The following GRIK4 variants were observed in gnomAD, a reference collection of about 807,000 sequenced individuals.
The protein encoded by GRIK4 is glutamate ionotropic receptor kainate type subunit 4, also known as glutamate receptor ionotropic, kainate 4.
In GRIK4, 40 loss-of-function variants were observed where a neutral mutation model predicts 104.9. The ratio of observed to expected loss-of-function variants is 0.38; its 90% CI spans 0.30 to 0.50. GRIK4 has a LOEUF of 0.50. Among genes scored for constraint, GRIK4 ranks in the 20% least tolerant of loss-of-function variants. The pLI is 0.93. For synonymous variants in GRIK4, 485 were observed against 524.9 expected, an observed-to-expected ratio of 0.92 and a Z score of 1.04; for missense variants, 1,047 against 1,308.1, an observed-to-expected ratio of 0.80 and a Z score of 3.08.
intron 1 of GRIK4, among the ~76,000 whole-genome samples, chr11:120,577,067 C>G (rs1948495077): frequency 6.6e-6 from 1 of 152,158 alleles, no homozygotes; most frequent in African/African-American, 2.4e-5. Context: ...CTGGCTTCAG[C>G]AAGAAAGGTG....
rs761713343 is a variant in GRIK4, at chr11:120,962,613, G to A, written c.2198G>A (p.Arg733Gln). 24 of 1,614,020 alleles carry A rather than the reference G, an allele frequency of 1.5e-5. No individual in the cohort carries two copies. The South Asian group carries it at 2.0e-4, about 13-fold the overall frequency. The change falls in exon 18 of 21, where the codon CGA becomes CAA. Residue 733 changes from arginine (R) to glutamine (Q), a missense_variant. This residue lies in a region of GRIK4 where 440 missense variants were observed against 652.3 expected (regional missense o/e 0.67). Coordinates refer to ENST00000527524, the MANE Select transcript of GRIK4 (RefSeq NM_014619.5). ...ESTMNEYYRQRNCNLTQIGGL... is the reference protein window; with the variant it reads ...ESTMNEYYRQQNCNLTQIGGL... ...ACCATGAACGAGTACTATCGGCAGCGAAACTGCAACCTCACTCAGATTGGG... is the reference window on the plus strand; with the variant it reads ...ACCATGAACGAGTACTATCGGCAGCAAAACTGCAACCTCACTCAGATTGGG...
At chr11:120,894,215 C>T (rs1161295705) in intron 11 of GRIK4, 5 of 152,154 alleles carry the variant, frequency 3.3e-5, no homozygotes, top group Non-Finnish European at 7.3e-5. Flanking sequence ...TGCACATACA[C>T]CATCTCCCTT....
At chr11:120,785,594 T>C (rs1035164668) in intron 3 of GRIK4, among the ~76,000 whole-genome samples, 1 of 152,188 alleles carries the variant, frequency 6.6e-6, no homozygotes, top group Non-Finnish European at 1.5e-5. Context: ...AAGGTGAACC[T>C]TGTGAAAGTC....
chr11:120,585,513 C>T (rs1011508648), intron 1 of GRIK4, among the ~76,000 whole-genome samples: 1 of 151,910 alleles, frequency 6.6e-6, no homozygotes, highest in Admixed American at 6.6e-5. Flanking sequence ...TGTGCCGTGC[C>T]CTTTCCATTC....
intron 1 of GRIK4, among the ~76,000 whole-genome samples, chr11:120,571,555 T>C (rs147038824): frequency 0.012 from 1,890 of 152,254 alleles, 18 homozygotes; most frequent in Admixed American, 0.016. Context: ...CCAGGTCTGC[T>C]GGTTTACATC....
chr11:120,814,893 GCT>G (rs1952903579), intron 4 of GRIK4, among the ~76,000 whole-genome samples: 1 of 152,142 alleles, frequency 6.6e-6, no homozygotes, highest in African/African-American at 2.4e-5. Flanking sequence ...AGCCACCCCT[GCT>G]CTCTTCCTGT....
chr11:120,723,511 A>G (rs1950969014), intron 3 of GRIK4, among the ~76,000 whole-genome samples: 1 of 152,224 alleles, frequency 6.6e-6, no homozygotes, highest in African/African-American at 2.4e-5. Context: ...AAAGAAGGTC[A>G]AGACCCACAA....
chr11:120,664,554 C>A (rs769217945), intron 3 of GRIK4, among the ~76,000 whole-genome samples: 1 of 152,186 alleles, frequency 6.6e-6, no homozygotes, highest in Admixed American at 6.5e-5. Flanking sequence ...GTTTAAATAA[C>A]GAACCTAAGG....
chr11:120,877,431 C>A (rs112030412), intron 11 of GRIK4, among the ~76,000 whole-genome samples: 9 of 152,150 alleles, frequency 5.9e-5, no homozygotes, highest in African/African-American at 1.9e-4. Context: ...ACACTCAGAT[C>A]GTGCCCTCAG....
chr11:120,557,984 G>T (rs368900599), intron 1 of GRIK4, among the ~76,000 whole-genome samples: 13 of 136,052 alleles, frequency 9.6e-5, no homozygotes, highest in African/African-American at 3.8e-4. Context: ...GGCCACTGCA[G>T]TCCAGCCTGG....
At chr11:120,565,093 G>C (rs962207914) in intron 1 of GRIK4, among the ~76,000 whole-genome samples, 2 of 152,192 alleles carry the variant, frequency 1.3e-5, no homozygotes, top group Admixed American at 1.3e-4. Context: ...GGCCGAGGCA[G>C]TGATGCGGGG....
intron 1 of GRIK4, among the ~76,000 whole-genome samples, chr11:120,545,070 G>C (rs538573474): frequency 6.6e-6 from 1 of 152,214 alleles, no homozygotes; most frequent in South Asian, 2.1e-4. Context: ...CAGCTGGCCA[G>C]AGGCCAGCTG....
intron 9 of GRIK4, among the ~76,000 whole-genome samples, chr11:120,863,067 G>A (rs544692551): frequency 6.6e-6 from 1 of 152,292 alleles, no homozygotes; most frequent in African/African-American, 2.4e-5. Flanking sequence ...TGGCTTTACA[G>A]TTTATATTTT....
intron 1 of GRIK4, among the ~76,000 whole-genome samples, chr11:120,578,324 G>T (rs1482574422): frequency 6.6e-6 from 1 of 152,172 alleles, no homozygotes; most frequent in African/African-American, 2.4e-5. Context: ...AACAGCAGTG[G>T]GATCCTTTGG....
At chr11:120,945,437 AT>A (rs1467832210) in intron 14 of GRIK4, among the ~76,000 whole-genome samples, 1 of 152,128 alleles carries the variant, frequency 6.6e-6, no homozygotes, top group East Asian at 1.9e-4. Flanking sequence ...TTATGATACG[AT>A]TTTTGGTATG....
Position 120,774,989 on chromosome 11 carries a change from G to A in GRIK4, c.83-27704G>A, listed in dbSNP as rs532921317. On this transcript the variant is annotated intron_variant, in intron 3 of 20. Coordinates refer to ENST00000527524, the MANE Select transcript of GRIK4 (RefSeq NM_014619.5). Reference sequence around the variant, plus strand: ...AAGATGGGGCTAGGCACAGAGAGGTGTGTGTGTGTGGTGTCAGATGTGTGG... The same window carrying A: ...AAGATGGGGCTAGGCACAGAGAGGTATGTGTGTGTGGTGTCAGATGTGTGG... 2.1e-3 allele frequency among the ~76,000 whole-genome samples: 326 copies of A among 152,264 alleles called. 3 individuals carry two copies. The highest frequency in any genetic ancestry group is 2.6e-3 in the Non-Finnish European group (175 of 67,984).
chr11:120,673,286 T>C (rs1335090685), intron 3 of GRIK4, among the ~76,000 whole-genome samples: 1 of 152,178 alleles, frequency 6.6e-6, no homozygotes, highest in Non-Finnish European at 1.5e-5. Context: ...AATGAATGAA[T>C]GATGGAGACC....
intron 13 of GRIK4, among the ~76,000 whole-genome samples, chr11:120,906,502 G>C (rs1269688282): frequency 6.6e-6 from 1 of 152,246 alleles, no homozygotes; most frequent in African/African-American, 2.4e-5. Flanking sequence ...AAGCTTGAGT[G>C]ACTTGTCGGG....
intron 13 of GRIK4, among the ~76,000 whole-genome samples, chr11:120,933,670 A>G (rs570316462): frequency 1.8e-4 from 28 of 152,196 alleles, no homozygotes; most frequent in Admixed American, 3.3e-4. Context: ...GTTATGATTT[A>G]TAAGGCTCTT....
Sources: gnomAD v4.1 joint callset for allele counts (sites outside exome capture counted in the v4.1 genomes callset) on GRCh38, gnomAD v4.1.1 for gene constraint, gnomAD v4.1.1 regional missense constraint, MANE v1.5 for transcripts, NCBI Gene and HGNC (gene_info 2026-07-23, HGNC 2026-07-21) for gene names.